DALRD3: variants seen among roughly 807,000 people sequenced by gnomAD.
DALRD3 encodes the protein DALR anticodon binding domain containing 3, also known as DALR anticodon-binding domain-containing protein 3.
Under a neutral mutation model 56.7 loss-of-function variants are expected in DALRD3, and 47 were observed. That is an observed-to-expected ratio of 0.83 (90% CI 0.66 to 1.06). The LOEUF is 1.06. Among genes scored for constraint, DALRD3 ranks in the 50% least tolerant of loss-of-function variants. The pLI, the probability that DALRD3 is intolerant of heterozygous loss-of-function variation, is 0.00. For missense variants in DALRD3, 787 were observed against 724.0 expected (o/e 1.09, Z -1.00); for synonymous variants, 347 against 308.5 (o/e 1.12, Z -1.31).
At chr3:49,016,909 G>A in intron 5 of DALRD3, 62 bp from the exon 6 acceptor site, 2 of 1,592,082 alleles carry the variant, frequency 1.3e-6, no homozygotes, top group African/African-American at 2.7e-5. Flanking sequence ...GTCCCTTGAG[G>A]AGCCCAAATC....
chr3:49,018,676 G>C, upstream of DALRD3: 7 of 1,427,734 alleles, frequency 4.9e-6, no homozygotes, highest in Non-Finnish European at 6.4e-6. Context: ...AAGTGGACAG[G>C]TGCGCCAGTG....
chr3:49,018,268 C>T lies in DALRD3; in HGVS notation c.216G>A (p.Val72=). The T allele has an allele frequency of 6.9e-7, 1 of 1,442,428 alleles. No homozygotes were observed. Among genetic ancestry groups the T allele is most frequent in the Non-Finnish European group, 9.0e-7 (1 of 1,106,366 alleles). The allele number at this position is 1,442,428 out of a possible 1,614,324, so 89.4% of individuals were successfully genotyped here. ...TCGGCGCGCAGCGCAGCACCGGGGC[C>T]ACACCGGGGCCCTGCAGGCAGGCGA... ...HALACLQGPG[V]APVLRCAPTP... The change falls in exon 2 of 12, where the codon GTG becomes GTA. Residue 72 remains valine, a synonymous_variant. Transcript: ENST00000341949.
In DALRD3 at chr3:49,017,312, A is replaced by G; in HGVS notation, c.843T>C (p.His281=). 2 of 1,614,166 alleles carry G rather than the reference A, an allele frequency of 1.2e-6. No individual in the cohort carries two copies. Among genetic ancestry groups the G allele is most frequent in the Non-Finnish European group, 1.7e-6 (2 of 1,180,022 alleles). The stretch of plus-strand genomic sequence containing the variant: ...GGAACTCCTCCTCACAGCTAACAAC[A>G]TGTACAACCAGGCAGCCGCCTGTAC... ...DTGTGGCLVV[H]VVSCEEEFQQ... The change falls in exon 5 of 12, where the codon CAT becomes CAC. Residue 281 remains histidine (H), a synonymous_variant. Transcript: ENST00000341949.
chr3:49,021,021 G>C (rs1429126769), upstream of DALRD3: 3 of 161,868 alleles, frequency 1.9e-5, no homozygotes, highest in Non-Finnish European at 2.8e-5. The surrounding 1 kb of genome is among the most constrained non-coding windows in gnomAD (Gnocchi z 4.1). Flanking sequence ...CGCGCCCGTG[G>C]GGCCGGAGAG....
At chr3:49,017,030 C>T (rs1404020160) in intron 5 of DALRD3, 183 bp from the exon 6 acceptor site, 3 of 958,132 alleles carry the variant, frequency 3.1e-6, no homozygotes, top group Non-Finnish European at 4.7e-6. Context: ...ACCTGGTCTT[C>T]AGTGTTCTTG....
chr3:49,016,576 CT>C (rs778883348), intron 7 of DALRD3, 35 bp downstream of exon 7: 1 of 1,593,980 alleles, frequency 6.3e-7, no homozygotes, highest in Non-Finnish European at 8.5e-7. Flanking sequence ...AAACCTGCCC[CT>C]AACCCAGAAC....
chr3:49,017,057 C>G, intron 5 of DALRD3, 171 bp downstream of exon 5: 7 of 997,174 alleles, frequency 7.0e-6, no homozygotes, highest in Non-Finnish European at 1.0e-5. Context: ...GTCTACAGAC[C>G]CCCCTTCCCC....
Position 49,015,546 on chromosome 3 carries a change from A to ATGAC in DALRD3, c.*38_*41dup. On this transcript the variant is annotated 3_prime_UTR_variant, in exon 12 of 12. Transcript: ENST00000341949. ...TGGGTTTTTGCTTTTTTTCCAGTTGATGACTTTGTGAACATTCCCAGGTAT... is the reference window on the plus strand; with the variant it reads ...TGGGTTTTTGCTTTTTTTCCAGTTGATGACTGACTTTGTGAACATTCCCAGGTAT... The ATGAC allele has an allele frequency of 6.2e-7, 1 of 1,603,120 alleles. No individual in the cohort carries two copies. Among genetic ancestry groups the ATGAC allele is most frequent in the East Asian group, 2.2e-5 (1 of 44,714 alleles).
chr3:49,016,682 G>A lies in DALRD3; in HGVS notation c.1002-9C>T. 6.2e-7 allele frequency: 1 copy of A among 1,607,350 alleles called. No individual in the cohort carries two copies. The highest frequency in any genetic ancestry group is 1.7e-4 in the Middle Eastern group (1 of 6,032). ...CCTGGGTATGCCGGAACCTGTGTTT[G>A]GAAGAGAGGAAGGCCAGTGGGCAGG... On this transcript the variant is annotated splice_polypyrimidine_tract_variant and intron_variant, in intron 6 of 11. Transcript: ENST00000341949.
chr3:49,016,567 A>C (rs762479241), intron 7 of DALRD3, 45 bp downstream of exon 7: 19 of 1,596,092 alleles, frequency 1.2e-5, no homozygotes, highest in Non-Finnish European at 1.5e-5. Context: ...GGATGCAAAA[A>C]ACCTGCCCCT....
Position 49,016,437 on chromosome 3 carries a change from G to A in DALRD3, c.1138C>T (p.Gln380Ter), listed in dbSNP as rs200059097. ...CAGGCTCCCAGGCTCACCTGACTCT[G>A]TGGGGCTGTGCTCAGCATCTCAAAC... The part of the protein sequence containing the change: ...IKFEMLSTAP[Q>*]SQLFLALADS... Residue 380 changes from glutamine (Q) to a stop codon, truncating the protein, a stop_gained, in exon 8 of 12, where the codon CAG becomes TAG. Coordinates refer to ENST00000341949, the MANE Select transcript of DALRD3 (RefSeq NM_001009996.3). LOFTEE classifies it high-confidence loss of function. 6.2e-7 allele frequency: 1 copy of A among 1,612,780 alleles called. No homozygotes were observed. The highest frequency in any genetic ancestry group is 1.7e-5 in the Admixed American group (1 of 59,952).
upstream of DALRD3, among the ~76,000 whole-genome samples, chr3:49,019,445 C>T (rs1487040090): frequency 6.6e-6 from 1 of 151,388 alleles, no homozygotes; most frequent in Non-Finnish European, 1.5e-5. Context: ...CCTGAGAAAT[C>T]ACAACCATCA....
chr3:49,018,357 G>T, intron 1 of DALRD3, 39 bp from the exon 2 acceptor site: 2 of 1,520,992 alleles, frequency 1.3e-6, no homozygotes, highest in Non-Finnish European at 1.8e-6. Context: ...CACGGCACGG[G>T]GCCCATCTCC....
upstream of DALRD3, among the ~76,000 whole-genome samples, chr3:49,019,532 T>A (rs1017705817): frequency 6.7e-6 from 1 of 149,690 alleles, no homozygotes; most frequent in Non-Finnish European, 1.5e-5. Flanking sequence ...CAGGCTGGAG[T>A]ACAGTGGTGT....
rs374823694 is a variant in DALRD3, at chr3:49,015,738, C to T, written c.1513-31G>A. 1.1e-4 allele frequency: 180 copies of T among 1,614,128 alleles called. 1 individual carries two copies. In the African/African-American group the frequency reaches 2.2e-3, roughly 20 times the overall value. ...AGAGAAAGGGCCTGCTGGTCTCATC[C>T]TCTGCTTCCTTTGCCTTTACCCTAT... is the stretch of plus-strand genomic sequence containing the variant. On this transcript the variant is annotated intron_variant, in intron 11 of 11. Transcript: ENST00000341949.
At chr3:49,018,849 G>A (rs147991994), upstream of DALRD3, 5,686 of 985,440 alleles carry the variant, frequency 5.8e-3, 38 homozygotes, top group Middle Eastern at 9.4e-3. Flanking sequence ...TCGCGACCCG[G>A]TGGGCGCTTA....
chr3:49,018,625 G>T, upstream of DALRD3: 6 of 1,475,640 alleles, frequency 4.1e-6, no homozygotes, highest in Non-Finnish European at 4.5e-6. Context: ...CTTCCGGAAA[G>T]GACCGACTAG....
Position 49,018,133 on chromosome 3 carries a change from G to A in DALRD3, c.351C>T (p.Arg117=). 1 of 1,467,944 alleles carries A rather than the reference G, an allele frequency of 6.8e-7. No homozygotes were observed. The highest frequency in any genetic ancestry group is 1.4e-5 in the African/African-American group (1 of 69,678). 90.9% of individuals were successfully genotyped at this position (1,467,944 alleles called of 1,614,324 possible). ...TPASPASLGQ[R]VLLHCPALRS... ...GCAGTGCTGGGCAGTGTAGTAAGAC[G>A]CGCTGGCCCAGCGAGGCAGGCGAGG... The change falls in exon 2 of 12, where the codon CGC becomes CGT. Residue 117 remains arginine, a synonymous_variant. Coordinates refer to ENST00000341949, the MANE Select transcript of DALRD3 (RefSeq NM_001009996.3).
upstream of DALRD3, chr3:49,020,437 G>C (rs1241449404): frequency 1.6e-5 from 6 of 381,868 alleles, no homozygotes; most frequent in Admixed American, 9.1e-5. Flanking sequence ...AGAGGTCCTG[G>C]GTCCACCCTC....
Sources: gnomAD v4.1 joint callset for allele counts (sites outside exome capture counted in the v4.1 genomes callset) on GRCh38, gnomAD v4.1.1 for gene constraint, Gnocchi (gnomAD v3.1) non-coding constraint, MANE v1.5 for transcripts, NCBI Gene and HGNC (gene_info 2026-07-23, HGNC 2026-07-21) for gene names.